Variants in AR observed in about 807,000 individuals in gnomAD.
AR encodes androgen receptor, also known as dihydrotestosterone receptor.
Under a neutral mutation model 53.9 loss-of-function variants are expected in AR, and 8 were observed. The observed-to-expected ratio is 0.15, with a 90% CI of 0.09 to 0.27. AR has a LOEUF of 0.27. Ranked by LOEUF, AR falls within the 10% of genes least tolerant of loss-of-function variation. The pLI is 1.00. For synonymous variants in AR, 359 were observed against 316.4 expected (o/e 1.13, Z -1.43); for missense variants, 639 against 742.5 (o/e 0.86, Z 1.62).
intron 2 of AR, among the ~76,000 whole-genome samples, chrX:67,651,042 A>G (rs1470945673): frequency 3.9e-5 from 4 of 102,901 alleles, no homozygotes; most frequent in African/African-American, 1.1e-4. Context: ...TAAATGTGGC[A>G]TTTTTTTTTT....
chrX:67,629,685 G>T (rs1296030627), intron 1 of AR, among the ~76,000 whole-genome samples: 2 of 108,726 alleles, frequency 1.8e-5, no homozygotes, highest in Non-Finnish European at 3.8e-5. Flanking sequence ...GCTAGCTTTT[G>T]AATGTGTTTG....
In AR at chrX:67,625,502, C is replaced by G. The variant is rs145944801; in HGVS notation, c.1617-17754C>G. ...CGTACCCATGCTTCCTGATTCCAAA[C>G]CTTATTACAAAGCAGTGGTAATCAA... On this transcript the variant is annotated intron_variant, in intron 1 of 7. Coordinates refer to ENST00000374690, the MANE Select transcript of AR (RefSeq NM_000044.6). 2.5e-4 allele frequency among the ~76,000 whole-genome samples: 28 copies of G among 111,313 alleles called. No homozygotes were observed. The East Asian group carries it at 7.0e-3, about 28-fold the overall frequency.
At chrX:67,660,125 A>G (rs1309630880) in intron 2 of AR, among the ~76,000 whole-genome samples, 10 of 111,664 alleles carry the variant, frequency 9.0e-5, no homozygotes, top group Non-Finnish European at 1.9e-5. Context: ...CCTTTGTCAG[A>G]TGAGTAGATT....
chrX:67,661,928 A>G (rs1926943509), intron 2 of AR, among the ~76,000 whole-genome samples: 1 of 111,660 alleles, frequency 9.0e-6, no homozygotes, highest in Admixed American at 9.5e-5. Flanking sequence ...GGGATGGTGT[A>G]TGTGTCGAGG....
chrX:67,687,877 A>T (rs1014563257), intron 3 of AR, among the ~76,000 whole-genome samples: 28 of 112,290 alleles, frequency 2.5e-4, no homozygotes, highest in African/African-American at 9.1e-4. Flanking sequence ...CATTAATTCC[A>T]TGTCTCAGCC....
chrX:67,653,503 G>A (rs1288269404), intron 2 of AR, among the ~76,000 whole-genome samples: 1 of 111,603 alleles, frequency 9.0e-6, no homozygotes, highest in Non-Finnish European at 1.9e-5. Flanking sequence ...GGTAGGAAGA[G>A]AACTTCAGGA....
chrX:67,584,936 A>G (rs1033374152), intron 1 of AR, among the ~76,000 whole-genome samples: 1 of 111,430 alleles, frequency 9.0e-6, no homozygotes, highest in African/African-American at 3.3e-5. Context: ...AGCAGTGAGA[A>G]TTTATCTTTC....
rs753297907 is a variant in AR at position 67,546,222 on chromosome X, A to T, written c.1076A>T (p.Tyr359Phe). The T allele has an allele frequency of 3.4e-5, 41 of 1,210,138 alleles. No homozygotes were observed. Among genetic ancestry groups the T allele is most frequent in the Admixed American group, 4.4e-5 (2 of 45,976 alleles). ...GGAGCACTGGACGAGGCAGCTGCGTACCAGAGTCGCGACTACTACAACTTT... is the reference window on the plus strand; with the variant it reads ...GGAGCACTGGACGAGGCAGCTGCGTTCCAGAGTCGCGACTACTACAACTTT... Reference protein sequence around the residue: ...KSGALDEAAAYQSRDYYNFPL... With the variant: ...KSGALDEAAAFQSRDYYNFPL... Residue 359 changes from tyrosine to phenylalanine, a missense_variant, in exon 1 of 8, where the codon TAC (tyrosine) becomes TTC (phenylalanine). This residue lies in a region of AR where 423 missense variants were observed against 377.0 expected (regional missense o/e 1.12). Transcript: ENST00000374690.
chrX:67,598,766 C>T (rs1199005653), intron 1 of AR, among the ~76,000 whole-genome samples: 1 of 107,776 alleles, frequency 9.3e-6, no homozygotes, highest in East Asian at 2.9e-4. Flanking sequence ...CCCACTCTCA[C>T]CTCAATTTTT....
chrX:67,663,967 C>T (rs923826860), intron 2 of AR, among the ~76,000 whole-genome samples: 2 of 112,099 alleles, frequency 1.8e-5, no homozygotes, highest in African/African-American at 6.5e-5. Context: ...TTTTTCAGCT[C>T]CATCAGGTCC....
intron 4 of AR, among the ~76,000 whole-genome samples, chrX:67,712,116 G>A (rs2076096396): frequency 8.9e-6 from 1 of 111,865 alleles, no homozygotes; most frequent in African/African-American, 3.2e-5. Context: ...TATATCATGG[G>A]AACTCTCATA....
intron 1 of AR, among the ~76,000 whole-genome samples, chrX:67,635,016 C>G (rs1925357819): frequency 9.2e-6 from 1 of 108,639 alleles, no homozygotes; most frequent in Admixed American, 9.9e-5. Flanking sequence ...CCCTCTCTCT[C>G]CCTCCCTCCC....
intron 3 of AR, among the ~76,000 whole-genome samples, chrX:67,699,979 T>A (rs2076035948): frequency 9.0e-6 from 1 of 111,206 alleles, no homozygotes; most frequent in Non-Finnish European, 1.9e-5. Flanking sequence ...TGATTTGAAA[T>A]TTTTTTCTCT....
chrX:67,679,823 T>C (rs2075922504), intron 2 of AR, among the ~76,000 whole-genome samples: 1 of 112,078 alleles, frequency 8.9e-6, no homozygotes, highest in South Asian at 3.7e-4. Context: ...TTTTACATAC[T>C]TGATGCTAAT....
At chrX:67,659,125 G>C (rs1484815844) in intron 2 of AR, among the ~76,000 whole-genome samples, 1 of 111,116 alleles carries the variant, frequency 9.0e-6, no homozygotes, top group Non-Finnish European at 1.9e-5. Flanking sequence ...AAATGCTGTG[G>C]GGTTGAGGGA....
chrX:67,650,852 A>G (rs966833906), intron 2 of AR, among the ~76,000 whole-genome samples: 2 of 111,726 alleles, frequency 1.8e-5, no homozygotes, highest in African/African-American at 6.5e-5. Context: ...TGAAATCACT[A>G]TTCCTCCTAT....
intron 2 of AR, among the ~76,000 whole-genome samples, chrX:67,660,862 C>T (rs916334976): frequency 4.5e-5 from 5 of 111,548 alleles, no homozygotes; most frequent in African/African-American, 1.6e-4. Flanking sequence ...AATGTTCTTC[C>T]ATTTGTTTGT....
chrX:67,710,322 T>C (rs1218871331), intron 3 of AR, among the ~76,000 whole-genome samples: 2 of 111,225 alleles, frequency 1.8e-5, no homozygotes, highest in Non-Finnish European at 3.8e-5. Context: ...ACTTAGCTTT[T>C]ATTTTTATTT....
At chrX:67,706,380 G>T (rs983788887) in intron 3 of AR, among the ~76,000 whole-genome samples, 3 of 111,849 alleles carry the variant, frequency 2.7e-5, no homozygotes, top group Non-Finnish European at 5.6e-5. Context: ...TCTTGGGAGG[G>T]TGTATGTGTC....
Sources: gnomAD v4.1 joint callset for allele counts (sites outside exome capture counted in the v4.1 genomes callset) on GRCh38, gnomAD v4.1.1 for gene constraint, gnomAD v4.1.1 regional missense constraint, MANE v1.5 for transcripts, NCBI Gene and HGNC (gene_info 2026-07-23, HGNC 2026-07-21) for gene names.